Variants in FAM135B observed in about 807,000 individuals in gnomAD.
FAM135B encodes the protein protein FAM135B.
Under a neutral mutation model 127.7 loss-of-function variants are expected in FAM135B, and 43 were observed. The observed-to-expected ratio is 0.34, with a 90% CI of 0.26 to 0.43. The LOEUF is 0.43. Ranked by LOEUF, FAM135B falls within the 20% of genes least tolerant of loss-of-function variation. The probability of loss-of-function intolerance (pLI) is 1.00; values close to 1 mark genes in which losing one functional copy is unlikely to be tolerated. For missense variants in FAM135B, 1,558 were observed against 1,725.6 expected, an observed-to-expected ratio of 0.90 and a Z score of 1.72; for synonymous variants, 670 against 665.1, an observed-to-expected ratio of 1.01 and a Z score of -0.11.
At chr8:138,225,789 G>A (rs190104975) in intron 7 of FAM135B, among the ~76,000 whole-genome samples, 2 of 152,170 alleles carry the variant, frequency 1.3e-5, no homozygotes, top group Non-Finnish European at 2.9e-5. Context: ...CAGGTGTCAG[G>A]CAGTCATGAG....
chr8:138,291,617 A>T (rs998030536), intron 3 of FAM135B, among the ~76,000 whole-genome samples: 1 of 152,214 alleles, frequency 6.6e-6, no homozygotes, highest in Non-Finnish European at 1.5e-5. Context: ...ATCTACTCAG[A>T]TGCAAGGATG....
Position 138,151,379 on chromosome 8 carries a change from G to A in FAM135B, c.3096C>T (p.Asn1032=), listed in dbSNP as rs117634087. Reference sequence around the variant, plus strand: ...AGGTGGCAGTGCAAGACACAGATAAGTTCACAACCTCCACAGCCTTCAGGC... The same window carrying A: ...AGGTGGCAGTGCAAGACACAGATAAATTCACAACCTCCACAGCCTTCAGGC... ...LDSLKAVEVV[N]LSVSCTATCL... is the part of the protein sequence containing the mutation. Residue 1032 remains asparagine (N), a synonymous_variant, in exon 13 of 20, where the codon AAC becomes AAT. Transcript: ENST00000395297. 5.0e-3 allele frequency: 8,089 copies of A among 1,613,768 alleles called. 37 individuals are homozygous for A. Among genetic ancestry groups the A allele is most frequent in the Non-Finnish European group, 6.1e-3 (7,164 of 1,179,852 alleles).
intron 9 of FAM135B, among the ~76,000 whole-genome samples, chr8:138,182,861 G>T (rs1815199963): frequency 6.6e-6 from 1 of 152,220 alleles, no homozygotes; most frequent in Non-Finnish European, 1.5e-5. Context: ...GCCCGTCTCA[G>T]ATTCTCTGAG....
In FAM135B at chr8:138,348,425, G is replaced by A. The variant is rs538730054; in HGVS notation, c.77+19482C>T. On this transcript the variant is annotated intron_variant, in intron 2 of 19. Transcript: ENST00000395297. ...GCGGAGATTACAGGCGTGAGCCACC[G>A]CACCTGGCCTTTTTTCCTCTTTTAT... 2.0e-4 allele frequency among the ~76,000 whole-genome samples: 31 copies of A among 152,134 alleles called. No homozygotes were observed. The South Asian group carries it at 4.6e-3, about 22-fold the overall frequency.
intron 6 of FAM135B, among the ~76,000 whole-genome samples, chr8:138,246,233 T>G (rs1211249152): frequency 6.6e-6 from 1 of 152,182 alleles, no homozygotes; most frequent in Non-Finnish European, 1.5e-5. Flanking sequence ...GCATAAGTAA[T>G]GAGGGACCCA....
intron 1 of FAM135B, among the ~76,000 whole-genome samples, chr8:138,484,799 A>T (rs535719617): frequency 6.6e-6 from 1 of 152,340 alleles, no homozygotes; most frequent in African/African-American, 2.4e-5. Context: ...CAATTATATT[A>T]ATATTCATTT....
chr8:138,304,020 G>A (rs11989377), intron 3 of FAM135B, among the ~76,000 whole-genome samples: 18,700 of 152,198 alleles, frequency 0.12, 2,047 homozygotes, highest in East Asian at 0.4. Flanking sequence ...AGCAGAAAAC[G>A]ATGTATTGTT....
chr8:138,490,823 G>T (rs1815162985), intron 1 of FAM135B, among the ~76,000 whole-genome samples: 1 of 152,096 alleles, frequency 6.6e-6, no homozygotes, highest in Non-Finnish European at 1.5e-5. Context: ...TAAATATAAT[G>T]AAATTAAAGA....
chr8:138,230,324 G>A (rs967950951), intron 7 of FAM135B, among the ~76,000 whole-genome samples: 1 of 152,174 alleles, frequency 6.6e-6, no homozygotes, highest in Non-Finnish European at 1.5e-5. Flanking sequence ...AGTGATGGGT[G>A]CTGGGTTGGC....
chr8:138,257,382 T>A (rs1822173388), intron 4 of FAM135B, among the ~76,000 whole-genome samples: 1 of 151,834 alleles, frequency 6.6e-6, no homozygotes, highest in Non-Finnish European at 1.5e-5. Context: ...GTCCTACTCA[T>A]GGCTGCTTTT....
intron 2 of FAM135B, among the ~76,000 whole-genome samples, chr8:138,352,874 G>C (rs1167045152): frequency 6.6e-6 from 1 of 152,094 alleles, no homozygotes; most frequent in Non-Finnish European, 1.5e-5. Flanking sequence ...TCATCAATAG[G>C]ATTTGGAGTG....
At chr8:138,239,642 T>G (rs11992422) in intron 7 of FAM135B, among the ~76,000 whole-genome samples, 28,285 of 152,074 alleles carry the variant, frequency 0.19, 2,841 homozygotes, top group African/African-American at 0.24. Flanking sequence ...AGCCATCCCA[T>G]TACTGGGTAT....
intron 3 of FAM135B, among the ~76,000 whole-genome samples, chr8:138,271,027 G>A (rs963569966): frequency 6.6e-6 from 1 of 152,196 alleles, no homozygotes; most frequent in East Asian, 1.9e-4. Flanking sequence ...GCAAGGGACT[G>A]ATGAGATTCA....
In FAM135B at chr8:138,132,757, G is replaced by A. The variant is rs764408584; in HGVS notation, c.4057C>T (p.Leu1353=). ...AEMINNLLGP[L]VEAKDCTLIR... ...AAAGTGCAGTCCTTGGCTTCAACCA[G>A]AGGGCCCAGGAGGTTGTTGATCATT... The change falls in exon 20 of 20, where the codon CTG becomes TTG. Residue 1353 remains leucine (L), a synonymous_variant. Coordinates refer to ENST00000395297, the MANE Select transcript of FAM135B (RefSeq NM_015912.4). This position sits in a 1 kb window ranked among gnomAD's most constrained non-coding sequence, Gnocchi z 4.5. 6.2e-7 allele frequency: 1 copy of A among 1,614,202 alleles called. No individual in the cohort carries two copies. The highest frequency in any genetic ancestry group is 1.1e-5 in the South Asian group (1 of 91,088).
intron 2 of FAM135B, among the ~76,000 whole-genome samples, chr8:138,313,586 A>G (rs1378784223): frequency 6.7e-6 from 1 of 148,606 alleles, no homozygotes; most frequent in East Asian, 2.0e-4. Context: ...CCAGGCTGGC[A>G]TCAAACTCCT....
chr8:138,487,283 A>G (rs917261106), intron 1 of FAM135B, among the ~76,000 whole-genome samples: 2 of 152,154 alleles, frequency 1.3e-5, no homozygotes, highest in African/African-American at 4.8e-5. Flanking sequence ...CACTTGCAGA[A>G]AAGGCATTCT....
chr8:138,381,794 C>T (rs900727550), intron 1 of FAM135B, among the ~76,000 whole-genome samples: 1 of 152,174 alleles, frequency 6.6e-6, no homozygotes, highest in African/African-American at 2.4e-5. Context: ...TTGTCCTCTG[C>T]ATATGTCCAC....
chr8:138,426,060 T>TATAC lies in FAM135B; in HGVS notation c.-19-58059_-19-58058insGTAT, dbSNP rs1554690923. ...ACACACACACACACACATATATATA[T>TATAC]ACACACACACACATATATAAAATGT... On this transcript the variant is annotated intron_variant, in intron 1 of 19. Coordinates refer to ENST00000395297, the MANE Select transcript of FAM135B (RefSeq NM_015912.4). Among the ~76,000 whole-genome samples the TATAC allele has an allele frequency of 1.4e-4, 18 of 128,026 alleles. 1 individual carries two copies. The highest frequency in any genetic ancestry group is 3.9e-4 in the African/African-American group (13 of 33,666). The allele number at this position is 128,026 out of a possible 152,430, so 84.0% of individuals were successfully genotyped here. A position where few individuals can be genotyped will look rare whatever the true frequency, so the allele number is the denominator to read the frequency against.
At chr8:138,297,132 G>A (rs1825533745) in intron 3 of FAM135B, among the ~76,000 whole-genome samples, 1 of 152,170 alleles carries the variant, frequency 6.6e-6, no homozygotes, top group Non-Finnish European at 1.5e-5. Flanking sequence ...TCAGACGTAT[G>A]CATCTGCTAC....
Sources: gnomAD v4.1 joint callset for allele counts (sites outside exome capture counted in the v4.1 genomes callset) on GRCh38, gnomAD v4.1.1 for gene constraint, Gnocchi (gnomAD v3.1) non-coding constraint, MANE v1.5 for transcripts, NCBI Gene and HGNC (gene_info 2026-07-23, HGNC 2026-07-21) for gene names.